Variants in TSHZ2 observed in about 807,000 individuals in gnomAD.
The protein encoded by TSHZ2 is teashirt zinc finger homeobox 2, also known as teashirt homolog 2.
TSHZ2 carries 21 observed loss-of-function variants against 74.4 expected under a neutral mutation model. The observed-to-expected ratio is 0.28, with a 90% CI of 0.20 to 0.41. The LOEUF is 0.41. Ranked by LOEUF, TSHZ2 falls within the 10% of genes least tolerant of loss-of-function variation. The probability of loss-of-function intolerance (pLI) is 1.00; values close to 1 mark genes in which losing one functional copy is unlikely to be tolerated. For synonymous variants in TSHZ2, 540 were observed against 515.3 expected (o/e 1.05, Z -0.65); for missense variants, 1,244 against 1,293.5 (o/e 0.96, Z 0.59).
At chr20:52,979,807 C>T (rs1017942360) in intron 1 of TSHZ2, among the ~76,000 whole-genome samples, 2 of 152,062 alleles carry the variant, frequency 1.3e-5, no homozygotes, top group Non-Finnish European at 2.9e-5. Flanking sequence ...CAAGATAATC[C>T]GATTATTAAT....
intron 2 of TSHZ2, among the ~76,000 whole-genome samples, chr20:53,338,871 AGG>A (rs1249099264): frequency 6.6e-6 from 1 of 152,200 alleles, no homozygotes; most frequent in Non-Finnish European, 1.5e-5. Flanking sequence ...GGGTCAGATG[AGG>A]CCAGCACTGC....
At chr20:53,091,254 A>G (rs1162678994) in intron 1 of TSHZ2, among the ~76,000 whole-genome samples, 1 of 152,216 alleles carries the variant, frequency 6.6e-6, no homozygotes, top group Non-Finnish European at 1.5e-5. Flanking sequence ...TAAAGCCTGG[A>G]TAGTAGTGCA....
intron 1 of TSHZ2, among the ~76,000 whole-genome samples, chr20:53,172,635 T>A (rs1272451781): frequency 6.6e-6 from 1 of 152,208 alleles, no homozygotes; most frequent in East Asian, 1.9e-4. Context: ...CCAGATTATG[T>A]TGCTAAATCC....
chr20:53,436,547 T>A (rs1201430860), intron 2 of TSHZ2, among the ~76,000 whole-genome samples: 2 of 95,992 alleles, frequency 2.1e-5, no homozygotes, highest in Non-Finnish European at 4.3e-5. Flanking sequence ...TTATTATTAT[T>A]ATTTTTTTTT....
intron 1 of TSHZ2, among the ~76,000 whole-genome samples, chr20:53,243,156 C>G (rs1014417147): frequency 1.3e-5 from 2 of 151,910 alleles, no homozygotes; most frequent in African/African-American, 4.8e-5. Context: ...AAAGGAAAGA[C>G]TTAGATATAG....
intron 2 of TSHZ2, among the ~76,000 whole-genome samples, chr20:53,439,673 C>T (rs1449726705): frequency 6.6e-6 from 1 of 152,058 alleles, no homozygotes; most frequent in Non-Finnish European, 1.5e-5. Context: ...CGTGCAAGAT[C>T]CTCTATTCCC....
chr20:53,445,622 T>C (rs1218735401), intron 2 of TSHZ2, among the ~76,000 whole-genome samples: 4 of 152,218 alleles, frequency 2.6e-5, no homozygotes, highest in South Asian at 2.1e-4. Context: ...TTCGAAGATG[T>C]CCAGGAAAGC....
At chr20:53,055,445 TAAGAG>T (rs1446073095) in intron 1 of TSHZ2, among the ~76,000 whole-genome samples, 2 of 152,202 alleles carry the variant, frequency 1.3e-5, no homozygotes, top group Non-Finnish European at 2.9e-5. Context: ...AGATACTTAT[TAAGAG>T]AAAAGTTTCA....
intron 2 of TSHZ2, among the ~76,000 whole-genome samples, chr20:53,463,131 G>C (rs1031514263): frequency 2.0e-5 from 3 of 152,136 alleles, no homozygotes; most frequent in Non-Finnish European, 4.4e-5. Context: ...CTTTGGCTCT[G>C]GATTGTACAT....
At chr20:53,105,035 G>A (rs546473976) in intron 1 of TSHZ2, among the ~76,000 whole-genome samples, 2 of 152,252 alleles carry the variant, frequency 1.3e-5, no homozygotes, top group African/African-American at 2.4e-5. Flanking sequence ...GCCAAAGGAC[G>A]AAGTCACATT....
rs184933604 is a variant in TSHZ2 at position 53,259,714 on chromosome 20, C to T, written c.*8+3143C>T. Reference sequence around the variant, plus strand: ...GCGCGTAAGGTTGCCAGACAAAATACAGAACGGATGTCCAGTTAAATGTGT... The same window carrying T: ...GCGCGTAAGGTTGCCAGACAAAATATAGAACGGATGTCCAGTTAAATGTGT... On this transcript the variant is annotated intron_variant, in intron 2 of 2. Coordinates refer to ENST00000371497, the MANE Select transcript of TSHZ2 (RefSeq NM_173485.6). Among the ~76,000 whole-genome samples, 395 of 152,314 alleles carry T rather than the reference C, an allele frequency of 2.6e-3. 3 individuals carry two copies. The highest frequency in any genetic ancestry group is 4.2e-3 in the Non-Finnish European group (285 of 68,012).
At chr20:53,291,625 A>G (rs1303279382) in intron 2 of TSHZ2, among the ~76,000 whole-genome samples, 1 of 152,056 alleles carries the variant, frequency 6.6e-6, no homozygotes, top group African/African-American at 2.4e-5. Flanking sequence ...CCAGAGAATC[A>G]GATTTGAAGG....
chr20:53,124,468 C>G (rs540022878), intron 1 of TSHZ2, among the ~76,000 whole-genome samples: 1 of 152,334 alleles, frequency 6.6e-6, no homozygotes, highest in South Asian at 2.1e-4. Context: ...ATCTGAGAGA[C>G]AGATCACATT....
chr20:53,286,766 C>T (rs1991174501), intron 2 of TSHZ2, among the ~76,000 whole-genome samples: 1 of 152,034 alleles, frequency 6.6e-6, no homozygotes, highest in South Asian at 2.1e-4. Flanking sequence ...GGGTAGTGTG[C>T]ACCTGTAGTC....
intron 1 of TSHZ2, among the ~76,000 whole-genome samples, chr20:53,138,172 G>C (rs1438884959): frequency 2.0e-5 from 3 of 152,112 alleles, no homozygotes; most frequent in Non-Finnish European, 4.4e-5. Context: ...CATGAGGTCA[G>C]GAGATCGCGA....
At chr20:53,084,454 A>T (rs1985628422) in intron 1 of TSHZ2, among the ~76,000 whole-genome samples, 1 of 152,244 alleles carries the variant, frequency 6.6e-6, no homozygotes. Context: ...GCTGTAATCC[A>T]TACAGAGGAC....
intron 1 of TSHZ2, among the ~76,000 whole-genome samples, chr20:53,038,914 G>T (rs1305920648): frequency 1.5e-4 from 10 of 68,708 alleles, no homozygotes; most frequent in Admixed American, 4.6e-4. Context: ...GTTTGTTTTT[G>T]AGATGGAGTT....
chr20:53,078,490 G>A (rs16997478), intron 1 of TSHZ2, among the ~76,000 whole-genome samples: 12,065 of 152,184 alleles, frequency 0.079, 1,139 homozygotes, highest in African/African-American at 0.23. Flanking sequence ...TGGCATATTT[G>A]GGATCATGTT....
chr20:53,257,284 G>A (rs1278669157), intron 2 of TSHZ2, among the ~76,000 whole-genome samples: 1 of 152,190 alleles, frequency 6.6e-6, no homozygotes, highest in African/African-American at 2.4e-5. Context: ...TGGTTTTCTT[G>A]TGGATAGACC....
Sources: gnomAD v4.1 joint callset for allele counts (sites outside exome capture counted in the v4.1 genomes callset) on GRCh38, gnomAD v4.1.1 for gene constraint, MANE v1.5 for transcripts, NCBI Gene and HGNC (gene_info 2026-07-23, HGNC 2026-07-21) for gene names.